Variants in SMAP2 observed in about 807,000 individuals in gnomAD.
SMAP2 encodes the protein stromal membrane-associated protein 2.
Under a neutral mutation model 56.4 loss-of-function variants are expected in SMAP2, and 25 were observed. That is an observed-to-expected ratio of 0.44 (90% CI 0.32 to 0.62). The LOEUF (loss-of-function observed/expected upper bound fraction) is 0.62. SMAP2 is among the 20% of genes least tolerant of loss of function. The pLI is 0.04. For missense variants in SMAP2, 388 were observed against 545.6 expected (o/e 0.71, Z 2.88); for synonymous variants, 157 against 181.7 (o/e 0.86, Z 1.09).
At position 40,393,541 on chromosome 1, in the gene SMAP2, CTTTTTTTT is replaced by C. The variant is rs35913943; in HGVS notation, c.104-13180_104-13173del. 2,853 of 811,834 alleles carry C rather than the reference CTTTTTTTT, an allele frequency of 3.5e-3. 3 individuals carry two copies. Among genetic ancestry groups the C allele is most frequent in the Non-Finnish European group, 4.5e-3 (2,660 of 589,634 alleles). The allele number at this position is 811,834 out of a possible 1,614,324, so 50.3% of individuals were successfully genotyped here. On this transcript the variant is annotated intron_variant, in intron 1 of 9. Coordinates refer to ENST00000372718, the MANE Select transcript of SMAP2 (RefSeq NM_022733.3). The stretch of plus-strand genomic sequence containing the variant: ...AACAAAGTGTAAGTAGTTCTTCTAA[CTTTTTTTT>C]TTTTTTTTTTTTTTGTGACAGAGTC...
At chr1:40,396,045 A>G (rs904093734) in intron 1 of SMAP2, among the ~76,000 whole-genome samples, 2 of 152,182 alleles carry the variant, frequency 1.3e-5, no homozygotes, top group Non-Finnish European at 2.9e-5. Context: ...TGTCTGTTCT[A>G]TCATTGAGCT....
At chr1:40,387,749 G>A (rs1644672269) in intron 1 of SMAP2, among the ~76,000 whole-genome samples, 1 of 152,140 alleles carries the variant, frequency 6.6e-6, no homozygotes, top group Non-Finnish European at 1.5e-5. Flanking sequence ...CACCCACTCT[G>A]GCCGCACTTG....
rs1644964468 is a variant in SMAP2 at position 40,414,183 on chromosome 1, C to A, written c.514C>A (p.Leu172Ile). 1 of 1,614,168 alleles carries A rather than the reference C, an allele frequency of 6.2e-7. No homozygotes were observed. The highest frequency in any genetic ancestry group is 8.5e-7 in the Non-Finnish European group (1 of 1,180,010). Residue 172 changes from leucine (L) to isoleucine (I), a missense_variant, in exon 6 of 10, where the codon CTA becomes ATA. Physicochemically the swap from Leu to Ile is conservative, Grantham distance 5. Coordinates refer to ENST00000372718, the MANE Select transcript of SMAP2 (RefSeq NM_022733.3). Reference protein sequence around the residue: ...KMPQKKEDPQLPRKSSPKSTA... With the variant: ...KMPQKKEDPQIPRKSSPKSTA... ...GCCACAGAAAAAAGAAGACCCACAG[C>A]TACCTCGGAAAAGCTCCCCGAAATC... is the stretch of plus-strand genomic sequence containing the variant.
At chr1:40,400,735 A>AT (rs762753777) in intron 1 of SMAP2, among the ~76,000 whole-genome samples, 1 of 152,160 alleles carries the variant, frequency 6.6e-6, no homozygotes, top group African/African-American at 2.4e-5. Flanking sequence ...CAATTTACAT[A>AT]TTTACCTTTG....
In SMAP2 at chr1:40,374,752, A is replaced by G. The variant is rs1332720745; in HGVS notation, c.103+529A>G. On this transcript the variant is annotated intron_variant, in intron 1 of 9. Transcript: ENST00000372718. This position sits in a 1 kb window ranked among gnomAD's most constrained non-coding sequence, Gnocchi z 5.9. ...TGCTATTTGGTTAGCAACTCCTGTCATTTTGCAGCCTTGCTAAGATCTGAC... is the reference window on the plus strand; with the variant it reads ...TGCTATTTGGTTAGCAACTCCTGTCGTTTTGCAGCCTTGCTAAGATCTGAC... 6.4e-7 allele frequency: 1 copy of G among 1,550,532 alleles called. No homozygotes were observed. The highest frequency in any genetic ancestry group is 1.2e-5 in the South Asian group (1 of 84,064).
intron 1 of SMAP2, among the ~76,000 whole-genome samples, chr1:40,392,926 C>A (rs188135689): frequency 1.3e-5 from 2 of 151,858 alleles, no homozygotes; most frequent in Non-Finnish European, 2.9e-5. Flanking sequence ...GGTGAAACCC[C>A]GCTGTCTCTA....
At chr1:40,379,216 C>A (rs1393666237) in intron 1 of SMAP2, among the ~76,000 whole-genome samples, 1 of 152,142 alleles carries the variant, frequency 6.6e-6, no homozygotes, top group South Asian at 2.1e-4. Context: ...GGGTGATCCA[C>A]CAACCTCAGC....
At position 40,416,692 on chromosome 1, in the gene SMAP2, C is replaced by G. The variant is rs915849165; in HGVS notation, c.848-88C>G. On this transcript the variant is annotated intron_variant, in intron 8 of 9. Coordinates refer to ENST00000372718, the MANE Select transcript of SMAP2 (RefSeq NM_022733.3). ...GTGAGTAGAGTAATCCTGAGAAATT[C>G]CAGCTGGAAAGGGTTAGCCAGGGAG... 3.0e-6 allele frequency: 4 copies of G among 1,330,886 alleles called. No homozygotes were observed. In the African/African-American group the frequency reaches 5.9e-5, roughly 19 times the overall value. The allele number at this position is 1,330,886 out of a possible 1,614,324, so 82.4% of individuals were successfully genotyped here.
chr1:40,377,644 G>C (rs1314173766), intron 1 of SMAP2, among the ~76,000 whole-genome samples: 1 of 152,150 alleles, frequency 6.6e-6, no homozygotes, highest in African/African-American at 2.4e-5. Context: ...TGGTAACTCT[G>C]GCTGATTGAG....
In SMAP2 at chr1:40,414,214, C is replaced by T. The variant is rs1644965104; in HGVS notation, c.545C>T (p.Ala182Val). The change falls in exon 6 of 10, where the codon GCG (alanine) becomes GTG (valine). Residue 182 changes from alanine to valine, a missense_variant. Coordinates refer to ENST00000372718, the MANE Select transcript of SMAP2 (RefSeq NM_022733.3). ...CGGAAAAGCTCCCCGAAATCCACAG[C>T]GCCTGTCATGGATTTGTTGGGCCTT... ...LPRKSSPKSTAPVMDLLGLDA... is the reference protein window; with the variant it reads ...LPRKSSPKSTVPVMDLLGLDA... 3.7e-6 allele frequency: 6 copies of T among 1,614,156 alleles called. No homozygotes were observed. The highest frequency in any genetic ancestry group is 5.1e-6 in the Non-Finnish European group (6 of 1,180,002).
At position 40,406,873 on chromosome 1, in the gene SMAP2, C is replaced by T; in HGVS notation, c.237+4C>T. The stretch of plus-strand genomic sequence containing the variant: ...GTGGACTCAAGAACAGATTCAGGTA[C>T]TTAGCCCAAGAGTGAGTCAGCTGCT... On this transcript the variant is annotated splice_donor_region_variant and intron_variant, in intron 2 of 9. Transcript: ENST00000372718. 1 of 1,611,412 alleles carries T rather than the reference C, an allele frequency of 6.2e-7. No individual in the cohort carries two copies. Among genetic ancestry groups the T allele is most frequent in the Non-Finnish European group, 8.5e-7 (1 of 1,178,282 alleles).
rs540694890 is a variant in SMAP2 at position 40,348,391 on chromosome 1, T to G, written c.-83+3481T>G. ...GGAGTATTAAAAGTCTTTGCCAACA[T>G]GGAGGTTGAAATATAATTTTAGGCC... On this transcript the variant is annotated intron_variant, in intron 1 of 6. Transcript: ENST00000435168. Among the ~76,000 whole-genome samples, 4 of 152,184 alleles carry G rather than the reference T, an allele frequency of 2.6e-5. No homozygotes were observed. In the South Asian group the frequency reaches 6.2e-4, roughly 24 times the overall value.
chr1:40,349,201 G>A (rs1644400359), intron 1 of SMAP2, among the ~76,000 whole-genome samples: 3 of 151,888 alleles, frequency 2.0e-5, no homozygotes, highest in Admixed American at 2.0e-4. Flanking sequence ...TTTGCTTTTG[G>A]TTGCTGATGT....
At chr1:40,398,963 TTAGA>T (rs1204275095) in intron 1 of SMAP2, among the ~76,000 whole-genome samples, 1 of 152,086 alleles carries the variant, frequency 6.6e-6, no homozygotes, top group African/African-American at 2.4e-5. Context: ...AATCAAATAA[TTAGA>T]TAGTAACAAA....
intron 1 of SMAP2, among the ~76,000 whole-genome samples, chr1:40,354,967 A>T (rs933211966): frequency 1.3e-5 from 2 of 151,346 alleles, no homozygotes; most frequent in African/African-American, 4.9e-5. Context: ...TATTTTTAGT[A>T]GAGAGGGGGT....
chr1:40,360,896 A>G (rs1644457113), intron 1 of SMAP2, among the ~76,000 whole-genome samples: 1 of 152,218 alleles, frequency 6.6e-6, no homozygotes, highest in Non-Finnish European at 1.5e-5. Flanking sequence ...TGGAGTTCTA[A>G]GTAAACTTCA....
intron 2 of SMAP2, among the ~76,000 whole-genome samples, chr1:40,363,503 TA>T (rs759023871): frequency 6.1e-4 from 90 of 147,908 alleles, no homozygotes; most frequent in East Asian, 2.9e-3. Context: ...ATTTAAAACT[TA>T]AAAAAAAAAA....
chr1:40,409,867 A>G (rs780460429), intron 4 of SMAP2, 32 bp downstream of exon 4: 1 of 1,363,250 alleles, frequency 7.3e-7, no homozygotes, highest in Non-Finnish European at 1.1e-6. Context: ...TTTTGTCCAC[A>G]ATAAGTAATG....
chr1:40,417,142 C>G (rs1256810503), intron 9 of SMAP2, 46 bp downstream of exon 9: 8 of 1,472,316 alleles, frequency 5.4e-6, no homozygotes, highest in Non-Finnish European at 7.4e-6. Flanking sequence ...GAGCCTTCCT[C>G]AAGTTTTTCT....
Sources: allele counts gnomAD v4.1 joint callset (sites outside exome capture counted in the v4.1 genomes callset), GRCh38; gene constraint gnomAD v4.1.1; non-coding constraint Gnocchi (gnomAD v3.1); transcripts MANE v1.5; gene names NCBI Gene and HGNC (gene_info 2026-07-23, HGNC 2026-07-21).